Variants in PREX1 observed in about 807,000 individuals in gnomAD.
PREX1 encodes phosphatidylinositol 3,4,5-trisphosphate-dependent Rac exchanger 1 protein.
In PREX1, 41 loss-of-function variants were observed where a neutral mutation model predicts 198.3. The observed-to-expected ratio is 0.21, with a 90% CI of 0.16 to 0.27. The LOEUF (loss-of-function observed/expected upper bound fraction) is 0.27, where lower values mean the gene tolerates loss of function less well. PREX1 is among the 10% of genes least tolerant of loss of function. The pLI, the probability that PREX1 is intolerant of heterozygous loss-of-function variation, is 1.00. For missense variants in PREX1, 1,620 were observed against 2,200.7 expected (o/e 0.74, Z 5.28); for synonymous variants, 843 against 887.2 (o/e 0.95, Z 0.89).
At chr20:48,706,834 G>A (rs1156571168) in intron 6 of PREX1, among the ~76,000 whole-genome samples, 1 of 152,164 alleles carries the variant, frequency 6.6e-6, no homozygotes, top group African/African-American at 2.4e-5. Context: ...TCACTGAAGG[G>A]GCTAGAGGAG....
At chr20:48,681,462 A>G in intron 10 of PREX1, 127 bp from the exon 11 acceptor site, 1 of 858,870 alleles carries the variant, frequency 1.2e-6, no homozygotes, top group Admixed American at 1.8e-5. Context: ...AGGGAAGCCG[A>G]GTGTAGTAGT....
rs1398017015 is a variant in PREX1 at position 48,649,622 on chromosome 20, T to A, written c.3029-46A>T. On this transcript the variant is annotated intron_variant, in intron 24 of 39. Coordinates refer to ENST00000371941, the MANE Select transcript of PREX1 (RefSeq NM_020820.4). ...GCTCACTGGAAAACAGCCCCCAGCA[T>A]CCACTGGGCCTTTGGGCGGAACAAT... 2.6e-6 allele frequency: 4 copies of A among 1,533,282 alleles called. No homozygotes were observed. The African/African-American group carries it at 5.5e-5, about 21-fold the overall frequency. 95.0% of individuals were successfully genotyped at this position (1,533,282 alleles called of 1,614,324 possible).
intron 1 of PREX1, among the ~76,000 whole-genome samples, chr20:48,786,550 C>T (rs1219503605): frequency 2.0e-5 from 3 of 152,028 alleles, no homozygotes; most frequent in Non-Finnish European, 4.4e-5. Flanking sequence ...TCGAGACCAG[C>T]CTGGCCAACA....
rs1469298478 is a variant in PREX1, at chr20:48,734,649, T to C, written c.416A>G (p.Lys139Arg). The change falls in exon 4 of 40, where the codon AAG becomes AGG. Residue 139 changes from lysine to arginine, a missense_variant and splice_region_variant. Coordinates refer to ENST00000371941, the MANE Select transcript of PREX1 (RefSeq NM_020820.4). Reference sequence around the variant, plus strand: ...CTCCTCGTACACGCAGAACTTGTCCTTCTGCAAGACAAGGACAGAGCCTGT... The same window carrying C: ...CTCCTCGTACACGCAGAACTTGTCCCTCTGCAAGACAAGGACAGAGCCTGT... ...HELGNVFLKF[K>R]DKFCVYEEYC... is the part of the protein sequence containing the mutation. The C allele has an allele frequency of 6.2e-7, 1 of 1,613,856 alleles. No individual in the cohort carries two copies. Among genetic ancestry groups the C allele is most frequent in the South Asian group, 1.1e-5 (1 of 91,074 alleles).
chr20:48,712,618 T>G (rs1471992943), intron 5 of PREX1, among the ~76,000 whole-genome samples: 2 of 152,228 alleles, frequency 1.3e-5, no homozygotes, highest in African/African-American at 4.8e-5. Context: ...CTATCTCTAT[T>G]CTTGCTCTAG....
At chr20:48,707,908 G>T (rs6012517) in intron 6 of PREX1, among the ~76,000 whole-genome samples, 46,637 of 151,872 alleles carry the variant, frequency 0.31, 9,567 homozygotes, top group African/African-American at 0.59. Context: ...ACTAGAACCC[G>T]ACCCTTGACG....
intron 11 of PREX1, among the ~76,000 whole-genome samples, chr20:48,680,636 T>A (rs1204855189): frequency 2.6e-5 from 4 of 152,050 alleles, no homozygotes. Context: ...TTGCACTGGC[T>A]GTTCCCTCTG....
intron 13 of PREX1, among the ~76,000 whole-genome samples, chr20:48,677,967 C>T (rs1178102885): frequency 1.3e-5 from 2 of 152,118 alleles, no homozygotes; most frequent in Admixed American, 6.6e-5. Context: ...GCCTGGGCAA[C>T]AGACCGAGAC....
intron 5 of PREX1, among the ~76,000 whole-genome samples, chr20:48,724,736 A>G (rs1235807097): frequency 6.6e-6 from 1 of 152,268 alleles, no homozygotes; most frequent in Non-Finnish European, 1.5e-5. Flanking sequence ...TAACCACTAC[A>G]GTACACTGTC....
chr20:48,629,829 G>A (rs570289246), intron 36 of PREX1, among the ~76,000 whole-genome samples: 7 of 152,244 alleles, frequency 4.6e-5, no homozygotes, highest in East Asian at 1.9e-4. Flanking sequence ...TGCCCTACAA[G>A]CTGGCAGTCA....
intron 1 of PREX1, among the ~76,000 whole-genome samples, chr20:48,810,144 C>T (rs868731321): frequency 1.3e-5 from 2 of 152,322 alleles, no homozygotes; most frequent in Middle Eastern, 3.4e-3. Context: ...AGTAAACACA[C>T]AGGAATACTC....
chr20:48,763,258 G>A (rs563107985), intron 1 of PREX1, among the ~76,000 whole-genome samples: 25 of 152,352 alleles, frequency 1.6e-4, no homozygotes, highest in African/African-American at 4.6e-4. Context: ...AGCCCTTATC[G>A]TCAGCACCAG....
rs149524742 is a variant in PREX1 at position 48,666,316 on chromosome 20, C to G, written c.1705G>C (p.Val569Leu). 6.4e-7 allele frequency: 1 copy of G among 1,570,674 alleles called. No homozygotes were observed. The highest frequency in any genetic ancestry group is 1.2e-5 in the South Asian group (1 of 85,452). ...ATGAAGCCATTGTTGCACAGACCCA[C>G]GCCGAGCGCCACTGCCTCCTCCCGA... ...QTREEAVALG[V>L]GLCNNGFMHH... The change falls in exon 15 of 40, where the codon GTG becomes CTG. Residue 569 changes from valine to leucine, a missense_variant. Val to Leu is a conservative substitution (Grantham distance 32, BLOSUM62 1). This residue lies in a region of PREX1 where 488 missense variants were observed against 802.5 expected (regional missense o/e 0.61). Coordinates refer to ENST00000371941, the MANE Select transcript of PREX1 (RefSeq NM_020820.4). The surrounding 1 kb of genome is among the most constrained non-coding windows in gnomAD (Gnocchi z 4.3).
rs1421504361 is a variant in PREX1, at chr20:48,630,793, C to T, written c.4528G>A (p.Ala1510Thr). The change falls in exon 36 of 40, where the codon GCA becomes ACA. Residue 1510 changes from alanine (A) to threonine (T), a missense_variant and splice_region_variant. Transcript: ENST00000371941. ...KVQQYYRKLR[A>T]FYLERSNLPT... is the part of the protein sequence containing the mutation. Reference sequence around the variant, plus strand: ...AGGTTAGACCGCTCCAGGTAAAATGCCCTGCGAGAGAAAGATGGGAATGAG... The same window carrying T: ...AGGTTAGACCGCTCCAGGTAAAATGTCCTGCGAGAGAAAGATGGGAATGAG... 3.2e-6 allele frequency: 5 copies of T among 1,575,410 alleles called. No individual in the cohort carries two copies. Among genetic ancestry groups the T allele is most frequent in the Admixed American group, 1.7e-5 (1 of 59,952 alleles).
chr20:48,731,069 T>C (rs1393353195), intron 4 of PREX1, among the ~76,000 whole-genome samples: 1 of 152,182 alleles, frequency 6.6e-6, no homozygotes. Context: ...ATTACCTGGT[T>C]TCTTTCAATC....
intron 15 of PREX1, among the ~76,000 whole-genome samples, chr20:48,664,649 C>A (rs1448265408): frequency 6.6e-6 from 1 of 152,220 alleles, no homozygotes. Context: ...TCAGGGATCC[C>A]CCAGGACCTT....
chr20:48,688,341 C>G (rs6019375), intron 10 of PREX1, among the ~76,000 whole-genome samples: 1 of 151,912 alleles, frequency 6.6e-6, no homozygotes, highest in African/African-American at 2.4e-5. Context: ...CAGAAGAGAA[C>G]AGAAACAGAT....
Position 48,767,579 on chromosome 20 carries a change from C to A in PREX1, c.220-19699G>T, listed in dbSNP as rs77984777. 7.3e-4 allele frequency among the ~76,000 whole-genome samples: 111 copies of A among 152,224 alleles called. No individual in the cohort carries two copies. In the East Asian group the frequency reaches 0.019, roughly 27 times the overall value. The stretch of plus-strand genomic sequence containing the variant: ...TCAGAGTCGCACCAGAGTGAAATGC[C>A]AACGCTTACGTTACCATCACTGATG... On this transcript the variant is annotated intron_variant, in intron 1 of 39. Transcript: ENST00000371941.
intron 2 of PREX1, among the ~76,000 whole-genome samples, chr20:48,746,728 C>T (rs1022339941): frequency 5.3e-5 from 8 of 151,428 alleles, no homozygotes; most frequent in African/African-American, 1.9e-4. Flanking sequence ...AAGGTTTGCA[C>T]CCTTTACTGT....
Sources: allele counts gnomAD v4.1 joint callset (sites outside exome capture counted in the v4.1 genomes callset), GRCh38; gene constraint gnomAD v4.1.1; regional missense constraint gnomAD v4.1.1; non-coding constraint Gnocchi (gnomAD v3.1); transcripts MANE v1.5; gene names NCBI Gene and HGNC (gene_info 2026-07-23, HGNC 2026-07-21).